ERBB4: variants seen among roughly 807,000 people sequenced by gnomAD.
ERBB4 encodes the protein erb-b2 receptor tyrosine kinase 4.
ERBB4 carries 42 observed loss-of-function variants against 158.0 expected under a neutral mutation model. That is an observed-to-expected ratio of 0.27 (90% CI 0.21 to 0.34). The LOEUF is 0.34. Among genes scored for constraint, ERBB4 ranks in the 10% least tolerant of loss-of-function variants. ERBB4 has a pLI of 1.00. For synonymous variants in ERBB4, 583 were observed against 558.7 expected (o/e 1.04, Z -0.61); for missense variants, 1,333 against 1,624.1 (o/e 0.82, Z 3.08).
chr2:212,461,837 G>C (rs906764970), intron 1 of ERBB4, among the ~76,000 whole-genome samples: 9 of 152,148 alleles, frequency 5.9e-5, no homozygotes, highest in African/African-American at 2.2e-4. Flanking sequence ...TTGTTCTCAT[G>C]ATCGTGAATA....
At chr2:212,110,556 C>A (rs1360731727) in intron 2 of ERBB4, among the ~76,000 whole-genome samples, 1 of 152,194 alleles carries the variant, frequency 6.6e-6, no homozygotes, top group Admixed American at 6.5e-5. Flanking sequence ...GAGAACAAAC[C>A]ACCACACTAA....
intron 20 of ERBB4, among the ~76,000 whole-genome samples, chr2:211,439,076 A>G (rs971967856): frequency 6.6e-6 from 1 of 151,398 alleles, no homozygotes; most frequent in African/African-American, 2.4e-5. Flanking sequence ...CTGCCCAGAA[A>G]CCTCTTTAGG....
At chr2:211,782,790 T>C (rs2076068777) in intron 4 of ERBB4, among the ~76,000 whole-genome samples, 1 of 152,170 alleles carries the variant, frequency 6.6e-6, no homozygotes, top group Non-Finnish European at 1.5e-5. Flanking sequence ...GTAGTACAGT[T>C]TGAAGTCAGG....
chr2:212,213,178 T>TC (rs2082991662), intron 1 of ERBB4, among the ~76,000 whole-genome samples: 1 of 151,336 alleles, frequency 6.6e-6, no homozygotes, highest in African/African-American at 2.4e-5. Context: ...TTGACAAAGG[T>TC]GTAATATCCA....
In ERBB4 at chr2:212,012,715, T is replaced by TTTG. The variant is rs373209705; in HGVS notation, c.235-65102_235-65100dup. ...GGCGTGAGCCACCATGCCCAAACTTTTTGTTGTTGTTGTTGTTGTTGTTTT... is the reference window on the plus strand; with the variant it reads ...GGCGTGAGCCACCATGCCCAAACTTTTTGTTGTTGTTGTTGTTGTTGTTGTTTT... On this transcript the variant is annotated intron_variant, in intron 2 of 27. Transcript: ENST00000342788. 4.2e-3 allele frequency among the ~76,000 whole-genome samples: 644 copies of TTTG among 151,852 alleles called. 2 individuals are homozygous for TTTG. Among genetic ancestry groups the TTTG allele is most frequent in the African/African-American group, 0.013 (525 of 41,410 alleles).
At chr2:211,997,743 A>G (rs1017342957) in intron 2 of ERBB4, among the ~76,000 whole-genome samples, 5 of 152,074 alleles carry the variant, frequency 3.3e-5, no homozygotes, top group African/African-American at 1.2e-4. Context: ...GAGCCACAGA[A>G]AAAACCATGT....
At chr2:211,460,649 T>C (rs1056087722) in intron 20 of ERBB4, among the ~76,000 whole-genome samples, 3 of 152,222 alleles carry the variant, frequency 2.0e-5, no homozygotes, top group African/African-American at 7.2e-5. Context: ...CAGACAGTTT[T>C]TGTGTATTTC....
At chr2:212,358,386 G>A (rs1349865814) in intron 1 of ERBB4, among the ~76,000 whole-genome samples, 1 of 151,300 alleles carries the variant, frequency 6.6e-6, no homozygotes, top group Non-Finnish European at 1.5e-5. Flanking sequence ...ACAGTATTAT[G>A]TTTACCTAAT....
At chr2:212,456,861 A>G (rs1157008505) in intron 1 of ERBB4, among the ~76,000 whole-genome samples, 2 of 152,014 alleles carry the variant, frequency 1.3e-5, no homozygotes, top group Non-Finnish European at 2.9e-5. Context: ...TAATTTTCCC[A>G]TTAAGTAGAC....
Position 212,447,219 on chromosome 2 carries a change from G to A in ERBB4, c.82+91230C>T, listed in dbSNP as rs1203412087. 5.3e-5 allele frequency among the ~76,000 whole-genome samples: 8 copies of A among 151,886 alleles called. No homozygotes were observed. The South Asian group carries it at 1.2e-3, about 24-fold the overall frequency. On this transcript the variant is annotated intron_variant, in intron 1 of 27. Coordinates refer to ENST00000342788, the MANE Select transcript of ERBB4 (RefSeq NM_005235.3). ...TCATTGTGTTAGCCAGGATGGTATC[G>A]ATCTCCTGACCTTGTGATTCGTGCA...
chr2:211,418,078 T>G (rs2063432289), intron 25 of ERBB4, among the ~76,000 whole-genome samples: 1 of 128,880 alleles, frequency 7.8e-6, no homozygotes, highest in Non-Finnish European at 1.6e-5. Flanking sequence ...ATTTTCAAAA[T>G]GCATTATTTT....
At chr2:211,423,380 T>TGTTTC (rs1403763141) in intron 23 of ERBB4, among the ~76,000 whole-genome samples, 5 of 151,972 alleles carry the variant, frequency 3.3e-5, no homozygotes, top group Admixed American at 2.6e-4. Context: ...TTCACAAGTT[T>TGTTTC]GTTTCTTTGC....
intron 1 of ERBB4, among the ~76,000 whole-genome samples, chr2:212,203,125 A>G (rs1434448701): frequency 6.6e-6 from 1 of 152,150 alleles, no homozygotes; most frequent in Admixed American, 6.5e-5. Flanking sequence ...AATAAAAATT[A>G]ACACGGACAT....
At chr2:212,367,873 C>G (rs1424563783) in intron 1 of ERBB4, among the ~76,000 whole-genome samples, 3 of 151,936 alleles carry the variant, frequency 2.0e-5, no homozygotes, top group Non-Finnish European at 4.4e-5. Context: ...AAATCAAAAC[C>G]ACAATGTGAT....
At chr2:211,978,392 G>GTCTTTCTATCTATCTATCTATCTATCTA (rs1165469722) in intron 2 of ERBB4, among the ~76,000 whole-genome samples, 39 of 102,242 alleles carry the variant, frequency 3.8e-4, no homozygotes, top group African/African-American at 9.5e-4. Context: ...CTGTCTGTCT[G>GTCTTTCTATCTATCTATCTATCTATCTA]TCTGTCTATC....
intron 19 of ERBB4, among the ~76,000 whole-genome samples, chr2:211,571,599 C>A (rs889245802): frequency 1.1e-4 from 16 of 152,142 alleles, no homozygotes; most frequent in Admixed American, 2.6e-4. Context: ...CTATACAAAA[C>A]CATGTTATAA....
chr2:212,359,705 T>G (rs990485535), intron 1 of ERBB4, among the ~76,000 whole-genome samples: 1 of 151,766 alleles, frequency 6.6e-6, no homozygotes, highest in African/African-American at 2.4e-5. Context: ...GTATATGCAT[T>G]ACTACATCAA....
At chr2:212,140,200 C>T (rs1341052873) in intron 1 of ERBB4, among the ~76,000 whole-genome samples, 1 of 151,000 alleles carries the variant, frequency 6.6e-6, no homozygotes, top group African/African-American at 2.4e-5. Context: ...AAAATAATAA[C>T]CCTTAAAACA....
chr2:212,402,009 G>A (rs923653987), intron 1 of ERBB4, among the ~76,000 whole-genome samples: 2 of 151,870 alleles, frequency 1.3e-5, no homozygotes, highest in South Asian at 2.1e-4. Flanking sequence ...TTGTATTCTC[G>A]GCCATTTATT....
Sources: gnomAD v4.1 joint callset for allele counts (sites outside exome capture counted in the v4.1 genomes callset) on GRCh38, gnomAD v4.1.1 for gene constraint, MANE v1.5 for transcripts, NCBI Gene and HGNC (gene_info 2026-07-23, HGNC 2026-07-21) for gene names.